CNTN6: variants seen among roughly 807,000 people sequenced by gnomAD.
CNTN6 encodes the protein contactin 6, also known as contactin-6.
In CNTN6, 137 loss-of-function variants were observed where a neutral mutation model predicts 122.8. The ratio of observed to expected loss-of-function variants is 1.12; its 90% CI spans 0.97 to 1.29. The LOEUF (loss-of-function observed/expected upper bound fraction) is 1.29. Ranked by LOEUF, CNTN6 falls within the 50% of genes most tolerant of loss-of-function variation. The pLI is 0.00. For synonymous variants in CNTN6, 570 were observed against 426.0 expected (o/e 1.34, Z -4.16); for missense variants, 1,634 against 1,223.4 (o/e 1.34, Z -5.01).
At chr3:1,108,821 C>T (rs2091345715) in intron 1 of CNTN6, among the ~76,000 whole-genome samples, 1 of 151,948 alleles carries the variant, frequency 6.6e-6, no homozygotes, top group African/African-American at 2.4e-5. Flanking sequence ...TTAAGATTTA[C>T]TATTTTGTAA....
intron 5 of CNTN6, among the ~76,000 whole-genome samples, chr3:1,293,209 T>C (rs187575832): frequency 9.7e-4 from 147 of 152,238 alleles, no homozygotes; most frequent in Middle Eastern, 3.4e-3. Context: ...TATTAATAGA[T>C]TAACTTTTTC....
intron 2 of CNTN6, 51 bp downstream of exon 2, chr3:1,148,114 T>C (rs561345107): frequency 3.7e-6 from 5 of 1,369,276 alleles, no homozygotes; most frequent in Admixed American, 1.7e-5. Context: ...ATTGGCATTG[T>C]ATTTCTTTCT....
Position 1,378,610 on chromosome 3 carries a change from G to C in CNTN6, c.2166+1535G>C, listed in dbSNP as rs540580837. Among the ~76,000 whole-genome samples, 5 of 152,186 alleles carry C rather than the reference G, an allele frequency of 3.3e-5. No homozygotes were observed. The South Asian group carries it at 1.0e-3, about 32-fold the overall frequency. ...AACTCTCAGAGGCCAGACAGAGGGGGAAACCCTATTTTTTCAAGCATTTAC... is the reference window on the plus strand; with the variant it reads ...AACTCTCAGAGGCCAGACAGAGGGGCAAACCCTATTTTTTCAAGCATTTAC... On this transcript the variant is annotated intron_variant, in intron 17 of 22. Transcript: ENST00000446702.
chr3:1,401,287 TTAATA>T (rs1396584096), intron 20 of CNTN6, 141 bp from the exon 21 acceptor site: 22 of 436,012 alleles, frequency 5.0e-5, no homozygotes, highest in Admixed American at 3.0e-4. Context: ...GTGATTAGAA[TTAATA>T]TATTTCAAAT....
chr3:1,275,665 A>G (rs576567463), intron 4 of CNTN6, among the ~76,000 whole-genome samples: 1 of 152,240 alleles, frequency 6.6e-6, no homozygotes, highest in African/African-American at 2.4e-5. Context: ...AGATGGTGCC[A>G]TTTGGGGGTG....
At chr3:1,161,986 T>TA (rs1026880703) in intron 2 of CNTN6, among the ~76,000 whole-genome samples, 109 of 151,534 alleles carry the variant, frequency 7.2e-4, no homozygotes, top group African/African-American at 8.5e-4. Context: ...TGGACTCAGT[T>TA]AAAAAAAAAT....
At chr3:1,123,573 A>G (rs760347673) in intron 1 of CNTN6, among the ~76,000 whole-genome samples, 2 of 151,958 alleles carry the variant, frequency 1.3e-5, no homozygotes, top group Non-Finnish European at 2.9e-5. Flanking sequence ...TTTGTCCTTT[A>G]GTAGCTTTTT....
intron 12 of CNTN6, among the ~76,000 whole-genome samples, chr3:1,364,290 T>A (rs1707897052): frequency 6.6e-6 from 1 of 151,922 alleles, no homozygotes; most frequent in South Asian, 2.1e-4. Context: ...GAAGTGCTAT[T>A]TATATACTAG....
At chr3:1,277,966 G>C (rs138982141) in intron 4 of CNTN6, among the ~76,000 whole-genome samples, 3 of 152,162 alleles carry the variant, frequency 2.0e-5, no homozygotes, top group East Asian at 1.9e-4. Context: ...CTGTCACACA[G>C]AACTCTTTCC....
At chr3:1,295,490 C>G (rs1696054068) in intron 5 of CNTN6, 111 bp from the exon 6 acceptor site, 4 of 821,648 alleles carry the variant, frequency 4.9e-6, no homozygotes, top group Non-Finnish European at 5.7e-6. Context: ...CAAATAGAGG[C>G]ACAATTTTCT....
intron 2 of CNTN6, among the ~76,000 whole-genome samples, chr3:1,208,368 G>GT (rs150009159): frequency 0.17 from 25,232 of 151,712 alleles, 2,609 homozygotes; most frequent in African/African-American, 0.29. Context: ...CTTTATTCAA[G>GT]CTTTTCTTCT....
intron 7 of CNTN6, among the ~76,000 whole-genome samples, chr3:1,321,381 A>G (rs1287786091): frequency 6.7e-6 from 1 of 150,072 alleles, no homozygotes; most frequent in African/African-American, 2.5e-5. Flanking sequence ...GTCTGTAAGC[A>G]ACATAAGGGC....
intron 4 of CNTN6, among the ~76,000 whole-genome samples, chr3:1,268,513 A>G (rs977792510): frequency 5.3e-5 from 8 of 149,622 alleles, no homozygotes; most frequent in South Asian, 4.3e-4. Context: ...AGGCTGAGGC[A>G]GGAGAATGGC....
At chr3:1,186,019 A>C (rs964411004) in intron 2 of CNTN6, among the ~76,000 whole-genome samples, 2 of 152,190 alleles carry the variant, frequency 1.3e-5, no homozygotes, top group African/African-American at 2.4e-5. Flanking sequence ...AGTATGAAGA[A>C]TACAAAAGGG....
chr3:1,142,212 T>TAA lies in CNTN6; in HGVS notation c.-82-5700_-82-5699dup, dbSNP rs67721626. ...GGAGTGAGTGACAATTTTCCATTCC[T>TAA]AAAAAAAAAAAAAAAACATGATTAT... On this transcript the variant is annotated intron_variant, in intron 1 of 22. Coordinates refer to ENST00000446702, the MANE Select transcript of CNTN6 (RefSeq NM_001289080.2). 2.0e-3 allele frequency among the ~76,000 whole-genome samples: 265 copies of TAA among 130,792 alleles called. 1 individual carries two copies. The highest frequency in any genetic ancestry group is 6.5e-3 in the African/African-American group (233 of 35,814). The allele number at this position is 130,792 out of a possible 152,430, so 85.8% of individuals were successfully genotyped here.
chr3:1,294,606 C>T (rs1224320437), intron 5 of CNTN6, among the ~76,000 whole-genome samples: 3 of 152,118 alleles, frequency 2.0e-5, no homozygotes, highest in African/African-American at 7.2e-5. Context: ...ACAAGATTTC[C>T]AGAGATGGAC....
chr3:1,227,550 A>G (rs2094299792), intron 3 of CNTN6, among the ~76,000 whole-genome samples: 1 of 152,084 alleles, frequency 6.6e-6, no homozygotes, highest in Admixed American at 6.5e-5. Context: ...TCTAATTTTT[A>G]TTTCTCATGT....
rs146731852 is a variant in CNTN6 at position 1,117,865 on chromosome 3, A to G, written c.-83+24745A>G. ...AGCAATTCTAAAGTGTATATTATAT[A>G]GAACCTCAGTGGGTCTACAGAGAAA... On this transcript the variant is annotated intron_variant, in intron 1 of 22. Transcript: ENST00000446702. Among the ~76,000 whole-genome samples the G allele has an allele frequency of 5.9e-5, 9 of 152,332 alleles. No homozygotes were observed. The East Asian group carries it at 7.7e-4, about 13-fold the overall frequency.
At chr3:1,341,806 C>T (rs189287061) in intron 11 of CNTN6, among the ~76,000 whole-genome samples, 182 of 152,262 alleles carry the variant, frequency 1.2e-3, no homozygotes, top group African/African-American at 4.3e-3. Flanking sequence ...ATCATTTGTT[C>T]ACTCCAGTAA....
Sources: gnomAD v4.1 joint callset for allele counts (sites outside exome capture counted in the v4.1 genomes callset) on GRCh38, gnomAD v4.1.1 for gene constraint, MANE v1.5 for transcripts, NCBI Gene and HGNC (gene_info 2026-07-23, HGNC 2026-07-21) for gene names.